TBC1D19: variants seen among roughly 807,000 people sequenced by gnomAD.
The protein encoded by TBC1D19 is TBC1 domain family member 19.
A neutral mutation model predicts 89.0 loss-of-function variants in TBC1D19; 60 were observed. The observed-to-expected ratio is 0.67, with a 90% CI of 0.55 to 0.84. The LOEUF (loss-of-function observed/expected upper bound fraction) is 0.84. Among genes scored for constraint, TBC1D19 ranks in the 40% least tolerant of loss-of-function variants. The probability of loss-of-function intolerance (pLI) is 0.00; values close to 1 mark genes in which losing one functional copy is unlikely to be tolerated. For missense variants in TBC1D19, 500 were observed against 610.8 expected, an observed-to-expected ratio of 0.82 and a Z score of 1.91; for synonymous variants, 189 against 199.7, an observed-to-expected ratio of 0.95 and a Z score of 0.45.
chr4:26,603,709 A>G (rs1740779516), intron 1 of TBC1D19, among the ~76,000 whole-genome samples: 1 of 152,166 alleles, frequency 6.6e-6, no homozygotes, highest in South Asian at 2.1e-4. Flanking sequence ...TTTTCTCTTT[A>G]TTTTTGAAAA....
intron 17 of TBC1D19, 71 bp downstream of exon 17, chr4:26,740,044 A>C: frequency 3.0e-6 from 3 of 1,010,048 alleles, no homozygotes; most frequent in Non-Finnish European, 4.2e-6. Flanking sequence ...GTTAAGAAAA[A>C]GTCTTCTACT....
intron 3 of TBC1D19, among the ~76,000 whole-genome samples, chr4:26,617,561 A>G (rs1296894620): frequency 6.6e-6 from 1 of 152,236 alleles, no homozygotes; most frequent in Admixed American, 6.5e-5. Context: ...CATCAAATAA[A>G]TGACATTGAG....
At chr4:26,855,330 T>C in the TBC1D19 span, among the ~76,000 whole-genome samples, 2 of 152,246 alleles carry the variant, frequency 1.3e-5, no homozygotes, top group African/African-American at 2.4e-5. Flanking sequence ...TCTTTTTTTC[T>C]ACTTTCCTTT....
chr4:26,786,793 A>ATGGATGGATGGG, the TBC1D19 span, among the ~76,000 whole-genome samples: 1 of 148,486 alleles, frequency 6.7e-6, no homozygotes, highest in East Asian at 2.0e-4. Context: ...GGATGGATGG[A>ATGGATGGATGGG]TGGGTGGGTG....
the TBC1D19 span, among the ~76,000 whole-genome samples, chr4:26,808,191 T>C: frequency 2.6e-5 from 4 of 152,346 alleles, no homozygotes; most frequent in East Asian, 7.7e-4. Context: ...TTCTTAGCCA[T>C]AATCCATTAG....
intron 8 of TBC1D19, among the ~76,000 whole-genome samples, chr4:26,663,456 G>T (rs1243690313): frequency 6.6e-6 from 1 of 152,112 alleles, no homozygotes; most frequent in Admixed American, 6.6e-5. Context: ...TGAATATTAG[G>T]TGATGACACT....
At chr4:26,770,682 A>T in the TBC1D19 span, among the ~76,000 whole-genome samples, 11 of 152,152 alleles carry the variant, frequency 7.2e-5, no homozygotes, top group Admixed American at 5.2e-4. Context: ...AAGTGCAGAC[A>T]GAACTTCTAT....
At chr4:26,626,811 T>C (rs1262798918) in intron 4 of TBC1D19, among the ~76,000 whole-genome samples, 4 of 132,980 alleles carry the variant, frequency 3.0e-5, no homozygotes, top group African/African-American at 1.0e-4. Flanking sequence ...AGGATAGAGC[T>C]CAAATTCTTT....
intron 7 of TBC1D19, among the ~76,000 whole-genome samples, chr4:26,653,808 G>A (rs973784947): frequency 2.0e-5 from 3 of 152,094 alleles, no homozygotes; most frequent in Non-Finnish European, 4.4e-5. Context: ...GCACACTGAT[G>A]GGTCTTTACT....
intron 10 of TBC1D19, among the ~76,000 whole-genome samples, chr4:26,673,446 T>TATATATATATATACAC (rs373807642): frequency 1.1e-5 from 1 of 90,884 alleles, no homozygotes. Flanking sequence ...TATATATATA[T>TATATATATATATACAC]ACACACACAC....
At chr4:26,641,244 T>A (rs1743493255) in intron 7 of TBC1D19, among the ~76,000 whole-genome samples, 1 of 152,218 alleles carries the variant, frequency 6.6e-6, no homozygotes, top group Non-Finnish European at 1.5e-5. Context: ...CTGCAATATT[T>A]GCTGTTCTGC....
chr4:26,662,243 AACGAT>A (rs1745266010), intron 8 of TBC1D19, among the ~76,000 whole-genome samples: 1 of 152,200 alleles, frequency 6.6e-6, no homozygotes, highest in Non-Finnish European at 1.5e-5. Flanking sequence ...ATATTCTCAG[AACGAT>A]AAGATATTAC....
intron 1 of TBC1D19, among the ~76,000 whole-genome samples, chr4:26,595,400 G>A (rs1018500052): frequency 1.3e-4 from 20 of 152,132 alleles, no homozygotes; most frequent in African/African-American, 4.6e-4. Flanking sequence ...TCTAAGAGCA[G>A]AAATTTTTAA....
intron 7 of TBC1D19, among the ~76,000 whole-genome samples, chr4:26,652,489 C>G (rs538464746): frequency 1.7e-3 from 259 of 152,292 alleles, no homozygotes; most frequent in African/African-American, 6.1e-3. Context: ...ATCCTCCCAC[C>G]TCTTGCCTCC....
At chr4:26,841,239 T>C in the TBC1D19 span, among the ~76,000 whole-genome samples, 738 of 152,070 alleles carry the variant, frequency 4.9e-3, 5 homozygotes, top group Non-Finnish European at 6.8e-3. Flanking sequence ...ATACAAAAAT[T>C]AGCCAGGCAT....
intron 15 of TBC1D19, among the ~76,000 whole-genome samples, chr4:26,723,533 C>A (rs1717109549): frequency 6.6e-6 from 1 of 152,100 alleles, no homozygotes; most frequent in East Asian, 1.9e-4. Context: ...CTGTGATTAC[C>A]TTCCCTGGGA....
At chr4:26,855,939 C>G in the TBC1D19 span, among the ~76,000 whole-genome samples, 1 of 152,190 alleles carries the variant, frequency 6.6e-6, no homozygotes, top group East Asian at 1.9e-4. Flanking sequence ...TTCAACTGAG[C>G]TAACATATCT....
intron 1 of TBC1D19, chr4:26,576,928 T>A (rs1577736355): frequency 2.2e-6 from 1 of 447,724 alleles, no homozygotes; most frequent in East Asian, 7.0e-5. Flanking sequence ...GGTCAAACAG[T>A]AATCTAGGTG....
intron 1 of TBC1D19, among the ~76,000 whole-genome samples, chr4:26,590,719 T>C (rs1034888285): frequency 3.3e-5 from 5 of 151,270 alleles, no homozygotes; most frequent in Non-Finnish European, 4.4e-5. Flanking sequence ...TTTGTTTCAG[T>C]TGAACTAATA....
Sources: gnomAD v4.1 joint callset for allele counts (sites outside exome capture counted in the v4.1 genomes callset) on GRCh38, gnomAD v4.1.1 for gene constraint, MANE v1.5 for transcripts, NCBI Gene and HGNC (gene_info 2026-07-23, HGNC 2026-07-21) for gene names.